COL18A1: variants seen among roughly 807,000 people sequenced by gnomAD.
COL18A1 encodes collagen type XVIII alpha 1 chain.
In COL18A1, 133 loss-of-function variants were observed where a neutral mutation model predicts 168.0. The observed-to-expected ratio is 0.79, with a 90% CI of 0.69 to 0.91. The LOEUF (loss-of-function observed/expected upper bound fraction) is 0.91. COL18A1 is among the 40% of genes least tolerant of loss of function. COL18A1 has a pLI of 0.00. For synonymous variants in COL18A1, 949 were observed against 809.0 expected (o/e 1.17, Z -2.94); for missense variants, 2,126 against 1,925.4 (o/e 1.10, Z -1.95).
chr21:45,475,646 T>G, intron 5 of COL18A1, 111 bp downstream of exon 5: 1 of 938,584 alleles, frequency 1.1e-6, no homozygotes, highest in Non-Finnish European at 1.7e-6. Context: ...GCTCCCTCTA[T>G]GCCACGAAGA....
At chr21:45,479,751 G>A in intron 9 of COL18A1, 151 bp from the exon 10 acceptor site, 1 of 1,108,612 alleles carries the variant, frequency 9.0e-7, no homozygotes, top group South Asian at 1.5e-5. Flanking sequence ...AGTCTGCTGG[G>A]CCTGGCGCCC....
Position 45,447,333 on chromosome 21 carries a change from A to G in COL18A1, c.107-20909A>G, listed in dbSNP as rs150923338. On this transcript the variant is annotated intron_variant, in intron 2 of 41. Coordinates refer to ENST00000651438, the MANE Select transcript of COL18A1 (RefSeq NM_001379500.1). ...CTAAGTAATCCACAAAAAAACTATT[A>G]GAACCAATAAATGAGCTCAACAAGG... 5.4e-3 allele frequency among the ~76,000 whole-genome samples: 823 copies of G among 152,242 alleles called. 12 individuals are homozygous for G. The highest frequency in any genetic ancestry group is 0.019 in the African/African-American group (797 of 41,558).
In COL18A1 at chr21:45,512,404, G is replaced by A. The variant is rs138930698; in HGVS notation, c.*6G>A. The stretch of plus-strand genomic sequence containing the variant: ...TCATGACTGCCTCCAAGTAGCCACC[G>A]CCTGGATGCGGATGGCCGGAGAGGA... On this transcript the variant is annotated 3_prime_UTR_variant, in exon 42 of 42. Coordinates refer to ENST00000651438, the MANE Select transcript of COL18A1 (RefSeq NM_001379500.1). The A allele has an allele frequency of 3.0e-3, 4,837 of 1,611,836 alleles. 67 individuals carry two copies. The highest frequency in any genetic ancestry group is 0.022 in the South Asian group (2,023 of 90,858).
At chr21:45,489,176 C>T (rs1186531906) in intron 18 of COL18A1, among the ~76,000 whole-genome samples, 1 of 152,220 alleles carries the variant, frequency 6.6e-6, no homozygotes, top group African/African-American at 2.4e-5. Flanking sequence ...ATGGGAAGGG[C>T]CGTGTGTTTG....
intron 25 of COL18A1, 22 bp from the exon 26 acceptor site, chr21:45,493,479 G>A (rs767652468): frequency 2.9e-5 from 45 of 1,550,626 alleles, no homozygotes; most frequent in Non-Finnish European, 3.7e-5. Flanking sequence ...CCCTGACTCT[G>A]CTGGACCTCC....
chr21:45,477,568 G>A, intron 7 of COL18A1, 81 bp downstream of exon 7: 1 of 1,402,530 alleles, frequency 7.1e-7, no homozygotes, highest in East Asian at 2.5e-5. Flanking sequence ...GGTGAGCCCT[G>A]ATGAAGCCCC....
Position 45,481,977 on chromosome 21 carries a change from T to TCCGGGAAGAGAGGGGCCC in COL18A1, c.1629_1646dup (p.Glu546_Arg551dup). On this transcript the variant is annotated inframe_insertion, in exon 14 of 42. Transcript: ENST00000651438. ...CTCTCCCCCAGGGACCCCCAGGCCC[T>TCCGGGAAGAGAGGGGCCC]CCGGGAAGAGAGGGGCCCCCAGGAA... 6.2e-7 allele frequency: 1 copy of TCCGGGAAGAGAGGGGCCC among 1,613,002 alleles called. No homozygotes were observed. The highest frequency in any genetic ancestry group is 8.5e-7 in the Non-Finnish European group (1 of 1,179,182).
intron 28 of COL18A1, chr21:45,495,118 G>C: frequency 1.5e-6 from 1 of 647,412 alleles, no homozygotes; most frequent in Non-Finnish European, 2.7e-6. Context: ...TACCCAGGAG[G>C]AAGCCCTGGA....
intron 26 of COL18A1, 26 bp from the exon 27 acceptor site, chr21:45,494,519 C>T: frequency 1.9e-6 from 3 of 1,613,400 alleles, no homozygotes; most frequent in Non-Finnish European, 2.5e-6. Context: ...TGCCACCTAA[C>T]CCTGTCTTCT....
At position 45,490,852 on chromosome 21, in the gene COL18A1, G is replaced by C; in HGVS notation, c.2048G>C (p.Arg683Thr). Residue 683 changes from arginine to threonine, a missense_variant, in exon 21 of 42, where the codon AGA becomes ACA. Physicochemically the swap from Arg to Thr is moderately conservative, Grantham distance 71. Transcript: ENST00000651438. ...IAGPQGPKGD[R>T]GSRGEKGDPG... ...TCTCTCCAGGGGCCAAAGGGAGACA[G>C]AGGCAGCCGGGGAGAAAAGGTGAGT... The C allele has an allele frequency of 2.6e-6, 4 of 1,550,202 alleles. No individual in the cohort carries two copies. Among genetic ancestry groups the C allele is most frequent in the Non-Finnish European group, 3.5e-6 (4 of 1,146,862 alleles).
rs138870894 is a variant in COL18A1 at position 45,461,584 on chromosome 21, G to T, written c.107-6658G>T. Among the ~76,000 whole-genome samples the T allele has an allele frequency of 6.1e-3, 917 of 151,534 alleles. 14 individuals carry two copies. Among genetic ancestry groups the T allele is most frequent in the African/African-American group, 0.021 (860 of 40,888 alleles). On this transcript the variant is annotated intron_variant, in intron 2 of 41. Coordinates refer to ENST00000651438, the MANE Select transcript of COL18A1 (RefSeq NM_001379500.1). ...CTGAAGAGCAGTCTGGAGCCAGGCTGCTGGGCCCCCCTCGAGGCTTCCTTG... is the reference window on the plus strand; with the variant it reads ...CTGAAGAGCAGTCTGGAGCCAGGCTTCTGGGCCCCCCTCGAGGCTTCCTTG...
intron 4 of COL18A1, 102 bp from the exon 5 acceptor site, chr21:45,475,374 C>T: frequency 9.3e-7 from 1 of 1,073,842 alleles, no homozygotes; most frequent in South Asian, 1.3e-5. Context: ...GAGAGGGGGC[C>T]TGGAGGAGGC....
intron 34 of COL18A1, 87 bp from the exon 35 acceptor site, chr21:45,505,047 G>T (rs2037108457): frequency 6.5e-7 from 1 of 1,527,108 alleles, no homozygotes; most frequent in Admixed American, 1.9e-5. Context: ...CGCCAAGGGG[G>T]TCTTGGCAGC....
chr21:45,410,144 T>C (rs1490594388), intron 2 of COL18A1: 1 of 152,178 alleles, frequency 6.6e-6, no homozygotes, highest in African/African-American at 2.4e-5. Flanking sequence ...ACGGCCTTTC[T>C]GGCTTCTTCC....
intron 2 of COL18A1, among the ~76,000 whole-genome samples, chr21:45,453,100 T>C (rs998075457): frequency 6.6e-6 from 1 of 152,176 alleles, no homozygotes; most frequent in Middle Eastern, 3.4e-3. Context: ...ATGTATGACA[T>C]GTAAGCATTA....
chr21:45,456,496 G>A, intron 2 of COL18A1: 1 of 1,548,298 alleles, frequency 6.5e-7, no homozygotes, highest in Non-Finnish European at 8.7e-7. Flanking sequence ...ACTCTGCCCT[G>A]CTCGGGGCTG....
chr21:45,471,911 G>A lies in COL18A1; in HGVS notation c.652-1984G>A, dbSNP rs923894272. ...CCTTAAATATTTACAATGGGCCTGT[G>A]GCTTTTGCACTAGCGCCTCCTGCCC... On this transcript the variant is annotated intron_variant, in intron 3 of 41. Coordinates refer to ENST00000651438, the MANE Select transcript of COL18A1 (RefSeq NM_001379500.1). This position sits in a 1 kb window ranked among gnomAD's most constrained non-coding sequence, Gnocchi z 4.4. 4.6e-5 allele frequency among the ~76,000 whole-genome samples: 7 copies of A among 152,312 alleles called. No individual in the cohort carries two copies. In the East Asian group the frequency reaches 1.4e-3, roughly 29 times the overall value.
chr21:45,494,099 A>G (rs957825979), intron 26 of COL18A1: 1 of 302,676 alleles, frequency 3.3e-6, no homozygotes. Flanking sequence ...CGGCTCTCCC[A>G]CTTTCAGAGG....
rs62000459 is a variant in COL18A1 at position 45,455,878 on chromosome 21, C to T, written c.107-12364C>T. 2,578 of 1,613,078 alleles carry T rather than the reference C, an allele frequency of 1.6e-3. 50 individuals carry two copies. The East Asian group carries it at 0.043, about 27-fold the overall frequency. ...CCGGTGTCGGAGCCGAGATCCTGAA[C>T]GTGGCCAAAGGCATCCGGAGCTTCG... On this transcript the variant is annotated intron_variant, in intron 2 of 41. Coordinates refer to ENST00000651438, the MANE Select transcript of COL18A1 (RefSeq NM_001379500.1).
Sources: gnomAD v4.1 joint callset for allele counts (sites outside exome capture counted in the v4.1 genomes callset) on GRCh38, gnomAD v4.1.1 for gene constraint, Gnocchi (gnomAD v3.1) non-coding constraint, MANE v1.5 for transcripts, NCBI Gene and HGNC (gene_info 2026-07-23, HGNC 2026-07-21) for gene names.